ANO3: variants seen among roughly 807,000 people sequenced by gnomAD.
The protein encoded by ANO3 is anoctamin 3.
ANO3 carries 99 observed loss-of-function variants against 144.8 expected under a neutral mutation model. The ratio of observed to expected loss-of-function variants is 0.68; its 90% CI spans 0.58 to 0.81. The LOEUF (loss-of-function observed/expected upper bound fraction) is 0.81, where lower values mean the gene tolerates loss of function less well. ANO3 is among the 30% of genes least tolerant of loss of function. The pLI is 0.00. For missense variants in ANO3, 905 were observed against 1,202.2 expected (o/e 0.75, Z 3.66); for synonymous variants, 414 against 392.6 (o/e 1.05, Z -0.64).
chr11:26,647,039 C>T (rs1031765699), intron 23 of ANO3, among the ~76,000 whole-genome samples: 9 of 152,064 alleles, frequency 5.9e-5, no homozygotes, highest in African/African-American at 2.2e-4. Flanking sequence ...TGCTGTAGAG[C>T]ATTTTTTCCA....
At chr11:26,558,919 C>G (rs1367851810) in intron 13 of ANO3, 1 of 152,038 alleles carries the variant, frequency 6.6e-6, no homozygotes, top group Non-Finnish European at 1.5e-5. Context: ...TCTATCGTTT[C>G]TATGGAATTT....
intron 1 of ANO3, among the ~76,000 whole-genome samples, chr11:26,389,606 T>C (rs186487648): frequency 2.0e-5 from 3 of 152,166 alleles, no homozygotes; most frequent in Admixed American, 6.6e-5. Flanking sequence ...TTATGAACTA[T>C]ATAACATTTG....
chr11:26,290,511 A>G (rs932403674), intron 1 of ANO3, among the ~76,000 whole-genome samples: 1 of 152,060 alleles, frequency 6.6e-6, no homozygotes, highest in East Asian at 1.9e-4. Flanking sequence ...TAGGGTGTCA[A>G]TTTTGGATCT....
intron 1 of ANO3, among the ~76,000 whole-genome samples, chr11:26,267,008 C>T (rs1298784144): frequency 1.3e-5 from 2 of 150,870 alleles, no homozygotes; most frequent in Admixed American, 6.6e-5. Flanking sequence ...AGGAGAATGG[C>T]GAGGACCCTG....
At chr11:26,553,919 C>T (rs1850010763) in intron 13 of ANO3, among the ~76,000 whole-genome samples, 4 of 152,122 alleles carry the variant, frequency 2.6e-5, no homozygotes, top group East Asian at 1.9e-4. Flanking sequence ...TTATTATTTT[C>T]GTTTGTAAAA....
chr11:26,225,782 G>T (rs2133796976), intron 1 of ANO3, among the ~76,000 whole-genome samples: 1 of 152,140 alleles, frequency 6.6e-6, no homozygotes, highest in East Asian at 1.9e-4. Context: ...TCTTCTCTAA[G>T]CACAAACTTC....
intron 1 of ANO3, among the ~76,000 whole-genome samples, chr11:26,316,844 G>A (rs905983374): frequency 6.6e-6 from 1 of 152,146 alleles, no homozygotes; most frequent in African/African-American, 2.4e-5. Flanking sequence ...CTCTGCAGGG[G>A]GAAGCACATC....
chr11:26,548,353 T>G (rs547439687), intron 12 of ANO3, among the ~76,000 whole-genome samples: 2 of 151,930 alleles, frequency 1.3e-5, no homozygotes, highest in Non-Finnish European at 2.9e-5. Context: ...CATGTTCTAT[T>G]TAATATATCA....
At chr11:26,611,989 C>T (rs1317210241) in intron 17 of ANO3, among the ~76,000 whole-genome samples, 1 of 151,928 alleles carries the variant, frequency 6.6e-6, no homozygotes, top group Admixed American at 6.6e-5. Context: ...TTCAGCCTAC[C>T]TTTGTCTTAA....
intron 3 of ANO3, among the ~76,000 whole-genome samples, chr11:26,455,856 G>A (rs952069606): frequency 1.3e-5 from 2 of 151,340 alleles, no homozygotes; most frequent in Non-Finnish European, 2.9e-5. Flanking sequence ...AAACAGCATG[G>A]TACTGGCACC....
intron 1 of ANO3, among the ~76,000 whole-genome samples, chr11:26,322,725 G>A (rs920615178): frequency 7.2e-5 from 11 of 152,020 alleles, no homozygotes; most frequent in African/African-American, 2.2e-4. Context: ...TTAGTCACCT[G>A]GCTGAAGTAA....
chr11:26,282,584 T>G (rs1487595589), intron 1 of ANO3, among the ~76,000 whole-genome samples: 1 of 152,172 alleles, frequency 6.6e-6, no homozygotes, highest in Non-Finnish European at 1.5e-5. Context: ...TGAATTTGAA[T>G]CCACTACTGT....
intron 1 of ANO3, among the ~76,000 whole-genome samples, chr11:26,262,168 T>C (rs1853205455): frequency 6.6e-6 from 1 of 152,232 alleles, no homozygotes; most frequent in South Asian, 2.1e-4. Flanking sequence ...TAGAACATTA[T>C]CTAAAACTAC....
chr11:26,376,544 G>A (rs117296769), intron 1 of ANO3, among the ~76,000 whole-genome samples: 6,579 of 151,852 alleles, frequency 0.043, 200 homozygotes, highest in Non-Finnish European at 0.063. Flanking sequence ...CATGTCCTTC[G>A]AAGGCATCAC....
At position 26,212,366 on chromosome 11, in the gene ANO3, G is replaced by T. The variant is rs1397328692; in HGVS notation, c.154+23036G>T. 2.0e-5 allele frequency among the ~76,000 whole-genome samples: 3 copies of T among 148,614 alleles called. No individual in the cohort carries two copies. In the East Asian group the frequency reaches 5.9e-4, roughly 29 times the overall value. On this transcript the variant is annotated intron_variant, in intron 1 of 27. Coordinates refer to the ANO3 transcript ENST00000672621. ...ATCCAGGAGCTGTTTTTTTTTCAAA[G>T]ATTAACAAAACAGACTGCGAGCCAG...
chr11:26,563,096 G>C (rs1425539134), intron 14 of ANO3: 2 of 1,609,770 alleles, frequency 1.2e-6, no homozygotes, highest in Non-Finnish European at 1.7e-6. Context: ...CCCAGGTGAA[G>C]TATTGAAAAT....
At position 26,610,861 on chromosome 11, in the gene ANO3, C is replaced by A. The variant is rs1224762095; in HGVS notation, c.1836+11147C>A. 2.0e-5 allele frequency among the ~76,000 whole-genome samples: 3 copies of A among 152,140 alleles called. No homozygotes were observed. In the East Asian group the frequency reaches 5.8e-4, roughly 29 times the overall value. On this transcript the variant is annotated intron_variant, in intron 17 of 26. Transcript: ENST00000256737. ...ATCTTCTGTTTCTTCCTAATTTAAT[C>A]TTGGTAACTTGTATTTGTCAAGGAA...
chr11:26,223,131 G>C (rs1182765536), intron 1 of ANO3, among the ~76,000 whole-genome samples: 6 of 151,692 alleles, frequency 4.0e-5, no homozygotes, highest in African/African-American at 9.7e-5. Context: ...TCAATTTTAA[G>C]TTGTTTTCTT....
chr11:26,455,206 G>A (rs978432431), intron 3 of ANO3, among the ~76,000 whole-genome samples: 2 of 150,230 alleles, frequency 1.3e-5, no homozygotes, highest in Non-Finnish European at 3.0e-5. Flanking sequence ...TCAACATAGT[G>A]TTGGAAGTTC....
Sources: gnomAD v4.1 joint callset for allele counts (sites outside exome capture counted in the v4.1 genomes callset) on GRCh38, gnomAD v4.1.1 for gene constraint, MANE v1.5 for transcripts, NCBI Gene and HGNC (gene_info 2026-07-23, HGNC 2026-07-21) for gene names.